Variants in PAX7 observed in about 807,000 individuals in gnomAD.
The protein encoded by PAX7 is paired box 7, also known as paired box protein Pax-7.
Under a neutral mutation model 50.7 loss-of-function variants are expected in PAX7, and 18 were observed. That is an observed-to-expected ratio of 0.36 (90% CI 0.25 to 0.53). PAX7 has a LOEUF of 0.53. Ranked by LOEUF, PAX7 falls within the 20% of genes least tolerant of loss-of-function variation. The pLI is 0.93. For missense variants in PAX7, 644 were observed against 702.9 expected (o/e 0.92, Z 0.95); for synonymous variants, 310 against 290.4 (o/e 1.07, Z -0.69).
intron 5 of PAX7, among the ~76,000 whole-genome samples, chr1:18,696,049 A>G (rs1356007804): frequency 6.7e-6 from 1 of 150,120 alleles, no homozygotes; most frequent in Non-Finnish European, 1.5e-5. Flanking sequence ...GGTAGCATTC[A>G]TGGTGCATTT....
At position 18,674,113 on chromosome 1, in the gene PAX7, C is replaced by T. The variant is rs115733433; in HGVS notation, c.587-17641C>T. Among the ~76,000 whole-genome samples the T allele has an allele frequency of 8.5e-3, 1,297 of 152,328 alleles. 11 individuals are homozygous for T. The highest frequency in any genetic ancestry group is 0.023 in the African/African-American group (961 of 41,572). On this transcript the variant is annotated intron_variant, in intron 4 of 8. Coordinates refer to ENST00000420770, the MANE Select transcript of PAX7 (RefSeq NM_001135254.2). The stretch of plus-strand genomic sequence containing the variant: ...GCACAGATCTGGCCATATAGGAGGA[C>T]GCAATTCTTTGACTCCTTCAACAAA...
chr1:18,641,211 A>T (rs1363794400), intron 4 of PAX7, among the ~76,000 whole-genome samples: 1 of 152,194 alleles, frequency 6.6e-6, no homozygotes, highest in African/African-American at 2.4e-5. Context: ...TTGGAGGGGG[A>T]TGAATGAGCA....
intron 4 of PAX7, among the ~76,000 whole-genome samples, chr1:18,683,080 T>C (rs949327756): frequency 6.6e-6 from 1 of 152,136 alleles, no homozygotes; most frequent in Non-Finnish European, 1.5e-5. Context: ...CAGGGCCAAC[T>C]GGTCAGGCGG....
At chr1:18,637,275 C>T (rs2088177422) in intron 4 of PAX7, among the ~76,000 whole-genome samples, 1 of 152,322 alleles carries the variant, frequency 6.6e-6, no homozygotes, top group East Asian at 1.9e-4. Context: ...TCCCCTTCCT[C>T]ATTGCCCTCA....
chr1:18,647,172 G>T (rs965703777), intron 4 of PAX7, among the ~76,000 whole-genome samples: 7 of 152,146 alleles, frequency 4.6e-5, no homozygotes, highest in African/African-American at 1.2e-4. Flanking sequence ...AGCTTGGCTG[G>T]GTCAGCTGCC....
At chr1:18,731,410 G>A (rs1011354473) in intron 7 of PAX7, among the ~76,000 whole-genome samples, 4 of 152,174 alleles carry the variant, frequency 2.6e-5, no homozygotes, top group Non-Finnish European at 4.4e-5. Flanking sequence ...TAGGGACCCG[G>A]GAGACCTGGG....
Position 18,659,968 on chromosome 1 carries a change from G to A in PAX7, c.586+23597G>A, listed in dbSNP as rs1185252118. Reference sequence around the variant, plus strand: ...GAAAAGCCCAGCGGGCCATGTGCTCGAGGACCTTACCCTTCGGCATCTGCC... The same window carrying A: ...GAAAAGCCCAGCGGGCCATGTGCTCAAGGACCTTACCCTTCGGCATCTGCC... On this transcript the variant is annotated intron_variant, in intron 4 of 8. Transcript: ENST00000420770. Among the ~76,000 whole-genome samples, 7 of 152,222 alleles carry A rather than the reference G, an allele frequency of 4.6e-5. No homozygotes were observed. In the South Asian group the frequency reaches 6.2e-4, roughly 13 times the overall value.
rs1391637322 is a variant in PAX7, at chr1:18,726,024, G to C, written c.1156-9608G>C. Among the ~76,000 whole-genome samples the C allele has an allele frequency of 6.6e-6, 1 of 151,304 alleles. No individual in the cohort carries two copies. Among genetic ancestry groups the C allele is most frequent in the East Asian group, 1.9e-4 (1 of 5,166 alleles). On this transcript the variant is annotated intron_variant, in intron 7 of 8. Coordinates refer to ENST00000420770, the MANE Select transcript of PAX7 (RefSeq NM_001135254.2). This position sits in a 1 kb window ranked among gnomAD's most constrained non-coding sequence, Gnocchi z 4.8. ...CGCGCGCGTGCGCGCGTGTGTGTGC[G>C]TGTGTTTGTGTGTGTGTGTGTCTTT...
intron 4 of PAX7, among the ~76,000 whole-genome samples, chr1:18,640,123 T>C (rs1322563146): frequency 6.6e-6 from 1 of 152,000 alleles, no homozygotes; most frequent in African/African-American, 2.4e-5. Context: ...CTCTTTGTAT[T>C]TTTCCTTTAT....
chr1:18,640,343 C>A (rs1013223326), intron 4 of PAX7, among the ~76,000 whole-genome samples: 9 of 152,018 alleles, frequency 5.9e-5, no homozygotes, highest in Non-Finnish European at 1.5e-5. Context: ...CAAGGACCTG[C>A]CAAATTTAAT....
At chr1:18,702,761 G>T (rs1036280954) in intron 6 of PAX7, among the ~76,000 whole-genome samples, 1 of 152,092 alleles carries the variant, frequency 6.6e-6, no homozygotes, top group Non-Finnish European at 1.5e-5. Context: ...AAACAGACTG[G>T]GTAGATTAAC....
chr1:18,648,555 C>T (rs1435711225), intron 4 of PAX7, among the ~76,000 whole-genome samples: 1 of 152,030 alleles, frequency 6.6e-6, no homozygotes, highest in Non-Finnish European at 1.5e-5. Context: ...GTTGCCTGGG[C>T]TGTTCTGGAA....
chr1:18,668,660 T>C (rs2088701285), intron 4 of PAX7, among the ~76,000 whole-genome samples: 1 of 152,192 alleles, frequency 6.6e-6, no homozygotes, highest in African/African-American at 2.4e-5. Context: ...GCCTTGATCT[T>C]GCCACTGCAC....
chr1:18,631,492 T>C lies in PAX7; in HGVS notation c.-112T>C. On this transcript the variant is annotated 5_prime_UTR_variant, in exon 1 of 9. Transcript: ENST00000420770. ...GTGTGTGGAGGGGAGGGAGAAGAGG[T>C]TAAAAAAAAGAAGACGAAGAAGACG... The C allele has an allele frequency of 1.1e-6, 1 of 906,140 alleles. No individual in the cohort carries two copies. Among genetic ancestry groups the C allele is most frequent in the South Asian group, 1.5e-5 (1 of 67,640 alleles). The allele number at this position is 906,140 out of a possible 1,614,324, so 56.1% of individuals were successfully genotyped here.
Position 18,737,970 on chromosome 1 carries a change from G to A in PAX7, c.1402+2092G>A, listed in dbSNP as rs578150544. Among the ~76,000 whole-genome samples the A allele has an allele frequency of 2.6e-4, 39 of 152,348 alleles. No individual in the cohort carries two copies. In the South Asian group the frequency reaches 7.7e-3, roughly 30 times the overall value. ...GAGGCATGCACACATGCTTGAGTGT[G>A]TCTGTGATTGTGTGTTTGGAAGTAC... On this transcript the variant is annotated intron_variant, in intron 8 of 8. Coordinates refer to ENST00000420770, the MANE Select transcript of PAX7 (RefSeq NM_001135254.2).
chr1:18,690,875 G>A (rs1006477779), intron 4 of PAX7, among the ~76,000 whole-genome samples: 15 of 152,212 alleles, frequency 9.9e-5, no homozygotes, highest in African/African-American at 3.6e-4. Flanking sequence ...CACAAATGGG[G>A]AAAGTGAGGC....
Position 18,698,776 on chromosome 1 carries a change from C to T in PAX7, c.787-1877C>T, listed in dbSNP as rs142506863. 9.5e-4 allele frequency among the ~76,000 whole-genome samples: 144 copies of T among 152,100 alleles called. 1 individual carries two copies. The highest frequency in any genetic ancestry group is 3.2e-3 in the African/African-American group (131 of 41,514). ...GGGAGCCAGTCGTTTTTCCTCCAGG[C>T]TTGGCTGCCTCCTCTCCCTTTCTCT... On this transcript the variant is annotated intron_variant, in intron 5 of 8. Transcript: ENST00000420770.
At chr1:18,705,624 A>G (rs1353943318) in intron 7 of PAX7, among the ~76,000 whole-genome samples, 1 of 152,164 alleles carries the variant, frequency 6.6e-6, no homozygotes, top group Non-Finnish European at 1.5e-5. Context: ...TTAGCAAAGA[A>G]GGGGCCCCAG....
At chr1:18,683,702 C>T (rs2088931667) in intron 4 of PAX7, among the ~76,000 whole-genome samples, 2 of 152,120 alleles carry the variant, frequency 1.3e-5, no homozygotes, top group Non-Finnish European at 2.9e-5. Context: ...TAGTCCGGCA[C>T]GGTGGTCGGT....
Sources: allele counts gnomAD v4.1 joint callset (sites outside exome capture counted in the v4.1 genomes callset), GRCh38; gene constraint gnomAD v4.1.1; non-coding constraint Gnocchi (gnomAD v3.1); transcripts MANE v1.5; gene names NCBI Gene and HGNC (gene_info 2026-07-23, HGNC 2026-07-21).